CLN5: variants seen among roughly 807,000 people sequenced by gnomAD.
The protein encoded by CLN5 is CLN5 lysosomal BMP synthase, also known as bis(monoacylglycero)phosphate synthase CLN5.
Under a neutral mutation model 36.7 loss-of-function variants are expected in CLN5, and 34 were observed. That is an observed-to-expected ratio of 0.93 (90% confidence interval 0.71 to 1.23). The LOEUF (loss-of-function observed/expected upper bound fraction) is 1.23, where lower values mean the gene tolerates loss of function less well. Among genes scored for constraint, CLN5 ranks in the 50% most tolerant of loss-of-function variants. The pLI, the probability that CLN5 is intolerant of heterozygous loss-of-function variation, is 0.00. For synonymous variants in CLN5, 151 were observed against 155.1 expected, an observed-to-expected ratio of 0.97 and a Z score of 0.20; for missense variants, 427 against 439.4, an observed-to-expected ratio of 0.97 and a Z score of 0.25.
At position 77,003,316 on chromosome 13, in the gene CLN5, A is replaced by C. The variant is rs955715103; in HGVS notation, c.*2347A>C. ...GACAGAGCGAGACTCCGTCTCAAAA[A>C]AAAAGCATTCAAGATTTTTCATTGT... On this transcript the variant is annotated 3_prime_UTR_variant, in exon 4 of 4. Coordinates refer to ENST00000377453, the MANE Select transcript of CLN5 (RefSeq NM_006493.4). 1 of 152,266 alleles carries C rather than the reference A, an allele frequency of 6.6e-6. No homozygotes were observed. The highest frequency in any genetic ancestry group is 1.5e-5 in the Non-Finnish European group (1 of 68,064). 9.4% of individuals were successfully genotyped at this position (152,266 alleles called of 1,614,324 possible).
In CLN5 at chr13:76,995,058, A is replaced by G. The variant is rs2034241483; in HGVS notation, c.174-5A>G. The stretch of plus-strand genomic sequence containing the variant: ...CTAAGTAGATGGTTTCTTTTTCTTT[A>G]TTAGGCGCTTTGACTTCCGTCCAAA... On this transcript the variant is annotated splice_polypyrimidine_tract_variant and splice_region_variant and intron_variant, in intron 1 of 3. Coordinates refer to ENST00000377453, the MANE Select transcript of CLN5 (RefSeq NM_006493.4). The G allele has an allele frequency of 6.2e-7, 1 of 1,612,984 alleles. No homozygotes were observed. Among genetic ancestry groups the G allele is most frequent in the Non-Finnish European group, 8.5e-7 (1 of 1,179,658 alleles).
chr13:76,993,152 A>G (rs2034208806), intron 1 of CLN5: 1 of 152,254 alleles, frequency 6.6e-6, no homozygotes. Flanking sequence ...AGTGGGAAGG[A>G]GTTCTGCCTG....
At position 77,003,551 on chromosome 13, in the gene CLN5, C is replaced by G. The variant is rs2154035502; in HGVS notation, c.*2582C>G. The G allele has an allele frequency of 6.6e-6, 1 of 152,302 alleles. No homozygotes were observed. The allele number at this position is 152,302 out of a possible 1,614,324, so 9.4% of individuals were successfully genotyped here. On this transcript the variant is annotated 3_prime_UTR_variant, in exon 4 of 4. Transcript: ENST00000377453. ...CAAAACATAGCCACGCAGAAATCTGCCAATTAAGTTTTGCTGCCCTTTGAG... is the reference window on the plus strand; with the variant it reads ...CAAAACATAGCCACGCAGAAATCTGGCAATTAAGTTTTGCTGCCCTTTGAG...
intron 3 of CLN5, chr13:76,999,983 T>C (rs901516473): frequency 5.3e-5 from 8 of 152,152 alleles, no homozygotes; most frequent in African/African-American, 1.7e-4. Flanking sequence ...TGGATTCCTG[T>C]TGTGAAATGC....
chr13:76,992,332 G>A, intron 1 of CLN5, 61 bp downstream of exon 1: 1 of 1,418,286 alleles, frequency 7.1e-7, no homozygotes, highest in Non-Finnish European at 9.4e-7. Flanking sequence ...GGGGGATGGG[G>A]TGCTGGGGCG....
chr13:76,992,684 G>C, intron 1 of CLN5: 2 of 216,952 alleles, frequency 9.2e-6, no homozygotes, highest in South Asian at 1.4e-4. Context: ...CAATTTACTG[G>C]GCGACCAACT....
Position 76,995,028 on chromosome 13 carries a change from A to G in CLN5, c.174-35A>G, listed in dbSNP as rs367912024. ...ACGTGAGAAGAATCAGATTCATTTT[A>G]GAATCTAAGTAGATGGTTTCTTTTT... On this transcript the variant is annotated intron_variant, in intron 1 of 3. Coordinates refer to ENST00000377453, the MANE Select transcript of CLN5 (RefSeq NM_006493.4). The G allele has an allele frequency of 5.0e-5, 79 of 1,591,586 alleles. No individual in the cohort carries two copies. In the African/African-American group the frequency reaches 5.4e-4, roughly 11 times the overall value.
chr13:77,004,782 C>G lies in CLN5; in HGVS notation c.*3813C>G, dbSNP rs2034422434. ...AAGTTCTTAAAATGCACTAAATTGA[C>G]TTAATCTTCAATCATACCTATTTTT... On this transcript the variant is annotated 3_prime_UTR_variant, in exon 4 of 4. Transcript: ENST00000377453. 1 of 152,148 alleles carries G rather than the reference C, an allele frequency of 6.6e-6. No homozygotes were observed. The highest frequency in any genetic ancestry group is 6.5e-5 in the Admixed American group (1 of 15,274). The allele number at this position is 152,148 out of a possible 1,614,324, so 9.4% of individuals were successfully genotyped here.
rs1319075772 is a variant in CLN5, at chr13:77,000,504, A to C, written c.612A>C (p.Glu204Asp). The C allele has an allele frequency of 2.5e-6, 4 of 1,613,958 alleles. No individual in the cohort carries two copies. The highest frequency in any genetic ancestry group is 2.5e-6 in the Non-Finnish European group (3 of 1,179,960). Residue 204 changes from glutamate (E) to aspartate (D), a missense_variant, in exon 4 of 4, where the codon GAA (glutamate) becomes GAC (aspartate). By Grantham distance (45) the Glu-to-Asp change is conservative. Coordinates refer to ENST00000377453, the MANE Select transcript of CLN5 (RefSeq NM_006493.4). ...CAAAGTGGGTGAAACAGGACAATGA[A>C]ACAGGAATTTATTATGAGACATGGA... ...QMAKWVKQDNETGIYYETWNV... is the reference protein window; with the variant it reads ...QMAKWVKQDNDTGIYYETWNV...
intron 3 of CLN5, chr13:76,996,351 A>C (rs938010122): frequency 5.8e-6 from 3 of 517,360 alleles, no homozygotes; most frequent in Non-Finnish European, 1.0e-5. Flanking sequence ...GTTAAGTTAC[A>C]TGAATAAGTT....
rs1307852062 is a variant in CLN5 at position 77,001,578 on chromosome 13, A to G, written c.*609A>G. 1.3e-5 allele frequency: 2 copies of G among 152,352 alleles called. No homozygotes were observed. Among genetic ancestry groups the G allele is most frequent in the Admixed American group, 6.5e-5 (1 of 15,282 alleles). 9.4% of individuals were successfully genotyped at this position (152,352 alleles called of 1,614,324 possible). On this transcript the variant is annotated 3_prime_UTR_variant, in exon 4 of 4. Transcript: ENST00000377453. ...GCTGAGATTTTGGAACTAGCTAGTA[A>G]CTGGCTTGTGTTCTTTAAGCATACT...
In CLN5 at chr13:77,003,649, G is replaced by A. The variant is rs1304319056; in HGVS notation, c.*2680G>A. The A allele has an allele frequency of 6.6e-6, 1 of 152,144 alleles. No homozygotes were observed. The highest frequency in any genetic ancestry group is 2.4e-5 in the African/African-American group (1 of 41,430). 9.4% of individuals were successfully genotyped at this position (152,144 alleles called of 1,614,324 possible). ...TAAATGCAGTTTCTATTTTGCTATT[G>A]TTATAGATGTAGGCTGGGTGCGGTG... is the stretch of plus-strand genomic sequence containing the variant. On this transcript the variant is annotated 3_prime_UTR_variant, in exon 4 of 4. Coordinates refer to ENST00000377453, the MANE Select transcript of CLN5 (RefSeq NM_006493.4).
rs1012721656 is a variant in CLN5, at chr13:77,001,194, A to G, written c.*225A>G. 2.3e-6 allele frequency: 1 copy of G among 429,124 alleles called. No homozygotes were observed. The highest frequency in any genetic ancestry group is 4.2e-6 in the Non-Finnish European group (1 of 239,922). The allele number at this position is 429,124 out of a possible 1,614,324, so 26.6% of individuals were successfully genotyped here. A position where few individuals can be genotyped will look rare whatever the true frequency, so the allele number is the denominator to read the frequency against. ...GAGCGAGTTAGGTGATCTTGGTTTC[A>G]ATTTCCGAGCCTTTGTTAATATGGA... On this transcript the variant is annotated 3_prime_UTR_variant, in exon 4 of 4. Transcript: ENST00000377453.
chr13:77,003,102 C>T lies in CLN5; in HGVS notation c.*2133C>T, dbSNP rs979495455. On this transcript the variant is annotated 3_prime_UTR_variant, in exon 4 of 4. Transcript: ENST00000377453. The stretch of plus-strand genomic sequence containing the variant: ...GAAGGATCACTGAAGGTCGGGAGTT[C>T]AAGACCAGCCTGGCCAATGTGGTGA... The T allele has an allele frequency of 6.7e-6, 1 of 150,014 alleles. No homozygotes were observed. Among genetic ancestry groups the T allele is most frequent in the African/African-American group, 2.5e-5 (1 of 40,646 alleles). 9.3% of individuals were successfully genotyped at this position (150,014 alleles called of 1,614,324 possible).
In CLN5 at chr13:77,001,003, T is replaced by A. The variant is rs752852319; in HGVS notation, c.*34T>A. ...AATTCTACTGCTCTTTTTTCTCCAA[T>A]CACCAGCATCTGTTTTTCAGGGGGT... On this transcript the variant is annotated 3_prime_UTR_variant, in exon 4 of 4. Transcript: ENST00000377453. 8 of 1,579,818 alleles carry A rather than the reference T, an allele frequency of 5.1e-6. No individual in the cohort carries two copies. In the South Asian group the frequency reaches 8.9e-5, roughly 18 times the overall value.
intron 3 of CLN5, chr13:76,997,839 TAGTA>T (rs1400564877): frequency 6.6e-6 from 1 of 152,186 alleles, no homozygotes; most frequent in Non-Finnish European, 1.5e-5. Flanking sequence ...CTAAACGAAA[TAGTA>T]AGAGAAATCC....
intron 2 of CLN5, 49 bp from the exon 3 acceptor site, chr13:76,995,853 C>T: frequency 1.4e-6 from 2 of 1,423,726 alleles, no homozygotes; most frequent in Non-Finnish European, 2.0e-6. Flanking sequence ...GTTACCTGGA[C>T]CCATGGTTGT....
rs940152659 is a variant in CLN5, at chr13:77,003,963, G to T, written c.*2994G>T. The T allele has an allele frequency of 6.6e-6, 1 of 152,180 alleles. No individual in the cohort carries two copies. 9.4% of individuals were successfully genotyped at this position (152,180 alleles called of 1,614,324 possible). On this transcript the variant is annotated 3_prime_UTR_variant, in exon 4 of 4. Transcript: ENST00000377453. ...TCCGTCTCAAAAAAATGTTGTAGATGTATAAAATTTATACATTTTTAGTCT... is the reference window on the plus strand; with the variant it reads ...TCCGTCTCAAAAAAATGTTGTAGATTTATAAAATTTATACATTTTTAGTCT...
At chr13:76,992,320 AT>A in intron 1 of CLN5, 49 bp downstream of exon 1, 1 of 608,238 alleles carries the variant, frequency 1.6e-6, no homozygotes, top group Non-Finnish European at 2.7e-6. Flanking sequence ...GGCGTTGACG[AT>A]GGGGGATGGG....
Sources: gnomAD v4.1 joint callset for allele counts on GRCh38, gnomAD v4.1.1 for gene constraint, MANE v1.5 for transcripts, NCBI Gene and HGNC (gene_info 2026-07-23, HGNC 2026-07-21) for gene names.